The following CNTN5 variants were observed in gnomAD, a reference collection of about 807,000 sequenced individuals.
CNTN5 encodes contactin 5.
CNTN5 carries 77 observed loss-of-function variants against 129.1 expected under a neutral mutation model. The observed-to-expected ratio is 0.60, with a 90% CI of 0.50 to 0.72. The LOEUF (loss-of-function observed/expected upper bound fraction) is 0.72. CNTN5 is among the 30% of genes least tolerant of loss of function. The probability of loss-of-function intolerance (pLI) is 0.00; values close to 1 mark genes in which losing one functional copy is unlikely to be tolerated. For synonymous variants in CNTN5, 509 were observed against 465.6 expected (o/e 1.09, Z -1.20); for missense variants, 1,478 against 1,328.8 (o/e 1.11, Z -1.75).
At chr11:99,867,190 T>C (rs1311580667) in intron 6 of CNTN5, among the ~76,000 whole-genome samples, 2 of 152,198 alleles carry the variant, frequency 1.3e-5, no homozygotes, top group Non-Finnish European at 2.9e-5. Context: ...ATCACTGTTG[T>C]CCAGATTTAA....
At chr11:99,645,153 G>T (rs184687831) in intron 3 of CNTN5, among the ~76,000 whole-genome samples, 1 of 148,894 alleles carries the variant, frequency 6.7e-6, no homozygotes. Context: ...CCAGCTGCTC[G>T]GGAGGCTGAA....
intron 3 of CNTN5, among the ~76,000 whole-genome samples, chr11:99,774,015 C>A (rs761481301): frequency 1.6e-3 from 251 of 152,216 alleles, no homozygotes; most frequent in Non-Finnish European, 2.8e-3. Flanking sequence ...TCTCTCAAAA[C>A]CCCACTCTGA....
chr11:99,460,026 G>C (rs1944635657), intron 2 of CNTN5, among the ~76,000 whole-genome samples: 1 of 151,916 alleles, frequency 6.6e-6, no homozygotes, highest in Non-Finnish European at 1.5e-5. Context: ...TGTTCTGTAT[G>C]AAGTGATATT....
chr11:99,373,376 C>G (rs1430308564), intron 2 of CNTN5, among the ~76,000 whole-genome samples: 1 of 151,982 alleles, frequency 6.6e-6, no homozygotes, highest in African/African-American at 2.4e-5. Flanking sequence ...CTGATTACCC[C>G]ATATCCTATG....
intron 7 of CNTN5, among the ~76,000 whole-genome samples, chr11:99,923,782 T>C (rs957563401): frequency 1.3e-5 from 2 of 151,810 alleles, no homozygotes; most frequent in African/African-American, 4.8e-5. Context: ...TATCTATCTA[T>C]CTATCTATCT....
chr11:100,208,414 A>G lies in CNTN5; in HGVS notation c.1884+14751A>G, dbSNP rs142330096. On this transcript the variant is annotated intron_variant, in intron 15 of 24. Transcript: ENST00000524871. ...GGGGCTGCTGGAGGAAGTGAGCCAC[A>G]TGTTTCTCATCATCCACCAGGCTAG... is the stretch of plus-strand genomic sequence containing the variant. Among the ~76,000 whole-genome samples the G allele has an allele frequency of 2.0e-3, 309 of 152,222 alleles. 7 individuals carry two copies. In the East Asian group the frequency reaches 0.051, roughly 25 times the overall value.
At chr11:99,568,260 C>T (rs1949069980) in intron 3 of CNTN5, among the ~76,000 whole-genome samples, 1 of 152,092 alleles carries the variant, frequency 6.6e-6, no homozygotes, top group African/African-American at 2.4e-5. Flanking sequence ...AATAATACAT[C>T]CTTCCTGATA....
chr11:99,186,623 C>A (rs970874469), intron 1 of CNTN5, among the ~76,000 whole-genome samples: 1 of 151,900 alleles, frequency 6.6e-6, no homozygotes, highest in African/African-American at 2.4e-5. Context: ...ATGGCATTAT[C>A]TTCAAGAACA....
intron 2 of CNTN5, among the ~76,000 whole-genome samples, chr11:99,550,676 C>A (rs1480452877): frequency 5.3e-5 from 8 of 152,166 alleles, no homozygotes; most frequent in Non-Finnish European, 7.4e-5. Flanking sequence ...TTTTACTCAA[C>A]CTCTACTGTT....
At chr11:99,281,053 CA>C (rs1038870347) in intron 1 of CNTN5, among the ~76,000 whole-genome samples, 2 of 151,578 alleles carry the variant, frequency 1.3e-5, no homozygotes, top group Non-Finnish European at 2.9e-5. Flanking sequence ...CCAAGGATTA[CA>C]ATTACTAAAC....
chr11:99,703,789 A>G (rs185293569), intron 3 of CNTN5, among the ~76,000 whole-genome samples: 55 of 151,148 alleles, frequency 3.6e-4, no homozygotes, highest in Middle Eastern at 3.4e-3. Flanking sequence ...ACACAGATAT[A>G]TAGCATTTGA....
Position 99,722,903 on chromosome 11 carries a change from T to A in CNTN5, c.56-96641T>A, listed in dbSNP as rs553915027. ...CCGGGAATCCCAGTCGTGTCATCAA[T>A]CATCCTTGCACTCTCATTTCCTCAG... On this transcript the variant is annotated intron_variant, in intron 3 of 24. Transcript: ENST00000524871. 1.4e-4 allele frequency among the ~76,000 whole-genome samples: 22 copies of A among 152,166 alleles called. No homozygotes were observed. In the South Asian group the frequency reaches 4.6e-3, roughly 32 times the overall value.
At chr11:99,985,228 A>G (rs1938603438) in intron 8 of CNTN5, among the ~76,000 whole-genome samples, 1 of 152,104 alleles carries the variant, frequency 6.6e-6, no homozygotes, top group Admixed American at 6.5e-5. Context: ...TCCAGCATCC[A>G]AGAAGAATAA....
intron 1 of CNTN5, among the ~76,000 whole-genome samples, chr11:99,050,881 C>A (rs955016072): frequency 6.6e-6 from 1 of 151,820 alleles, no homozygotes. Flanking sequence ...TTAAATTCAG[C>A]TCAGTCTATA....
chr11:99,513,734 A>AG (rs1946933249), intron 2 of CNTN5, among the ~76,000 whole-genome samples: 1 of 12,264 alleles, frequency 8.2e-5, no homozygotes, highest in East Asian at 7.1e-4. Flanking sequence ...ATGCTCAGAG[A>AG]AAAAAAAAAG....
intron 8 of CNTN5, among the ~76,000 whole-genome samples, chr11:99,964,644 G>T (rs1253897767): frequency 6.6e-6 from 1 of 152,112 alleles, no homozygotes; most frequent in African/African-American, 2.4e-5. Context: ...TCTCTGCCAG[G>T]CTTTGGTATC....
chr11:100,133,576 C>CCAG (rs1946441457), intron 13 of CNTN5, among the ~76,000 whole-genome samples: 3 of 152,106 alleles, frequency 2.0e-5, no homozygotes, highest in Admixed American at 2.0e-4. Context: ...TTATTGGACC[C>CCAG]CAGATAGATA....
At chr11:99,883,302 G>T (rs1025176193) in intron 6 of CNTN5, among the ~76,000 whole-genome samples, 1 of 152,094 alleles carries the variant, frequency 6.6e-6, no homozygotes, top group Non-Finnish European at 1.5e-5. Flanking sequence ...ACTGTTCTCC[G>T]TAGTGGCTGT....
At chr11:100,154,961 T>G (rs1322596091) in intron 13 of CNTN5, among the ~76,000 whole-genome samples, 2 of 152,196 alleles carry the variant, frequency 1.3e-5, no homozygotes, top group Non-Finnish European at 2.9e-5. Flanking sequence ...TTTCTCCCAT[T>G]CTGTAGGTTG....
Sources: gnomAD v4.1 joint callset for allele counts (sites outside exome capture counted in the v4.1 genomes callset) on GRCh38, gnomAD v4.1.1 for gene constraint, MANE v1.5 for transcripts, NCBI Gene and HGNC (gene_info 2026-07-23, HGNC 2026-07-21) for gene names.